Variants in FMN2 observed in about 807,000 individuals in gnomAD.
FMN2 encodes the protein formin 2, also known as formin-2.
FMN2 carries 51 observed loss-of-function variants against 142.3 expected under a neutral mutation model. The ratio of observed to expected loss-of-function variants is 0.36; its 90% confidence interval spans 0.29 to 0.45. The LOEUF is 0.45. Among genes scored for constraint, FMN2 ranks in the 20% least tolerant of loss-of-function variants. The pLI is 1.00. For missense variants in FMN2, 1,936 were observed against 2,122.8 expected (o/e 0.91, Z 1.73); for synonymous variants, 882 against 869.8 (o/e 1.01, Z -0.25).
intron 15 of FMN2, among the ~76,000 whole-genome samples, chr1:240,415,426 C>G (rs886168269): frequency 1.3e-4 from 19 of 151,892 alleles, no homozygotes; most frequent in African/African-American, 3.9e-4. Flanking sequence ...AGGAGAAATA[C>G]CTAATGTAGA....
At chr1:240,343,500 G>A (rs968079243) in intron 13 of FMN2, among the ~76,000 whole-genome samples, 9 of 152,126 alleles carry the variant, frequency 5.9e-5, no homozygotes, top group East Asian at 1.9e-4. Flanking sequence ...TTGATAAGCC[G>A]AACATACAGA....
chr1:240,224,707 G>A (rs550503192), intron 6 of FMN2, among the ~76,000 whole-genome samples: 3 of 152,250 alleles, frequency 2.0e-5, no homozygotes, highest in Admixed American at 6.5e-5. Context: ...CGCACAGAAA[G>A]CCAATCACTG....
intron 1 of FMN2, among the ~76,000 whole-genome samples, chr1:240,097,946 T>C (rs938463370): frequency 1.3e-5 from 2 of 152,226 alleles, no homozygotes; most frequent in South Asian, 2.1e-4. Flanking sequence ...CCAGGATATG[T>C]CCTTAGAAAA....
intron 6 of FMN2, among the ~76,000 whole-genome samples, chr1:240,250,045 AC>A (rs1416334269): frequency 6.6e-6 from 1 of 152,064 alleles, no homozygotes; most frequent in Non-Finnish European, 1.5e-5. Context: ...AAACAGTTTG[AC>A]TTCCTGTCTT....
intron 15 of FMN2, among the ~76,000 whole-genome samples, chr1:240,416,428 A>G (rs1289642474): frequency 1.3e-5 from 2 of 151,624 alleles, no homozygotes; most frequent in Non-Finnish European, 2.9e-5. Flanking sequence ...AAAATTAGAC[A>G]CTGGCTAATT....
chr1:240,326,053 A>G (rs1259900640), intron 8 of FMN2, among the ~76,000 whole-genome samples: 1 of 152,214 alleles, frequency 6.6e-6, no homozygotes, highest in East Asian at 1.9e-4. Context: ...ATAGTTCAGT[A>G]TATGCTGATT....
At chr1:240,237,358 C>A (rs892534590) in intron 6 of FMN2, among the ~76,000 whole-genome samples, 1 of 152,144 alleles carries the variant, frequency 6.6e-6, no homozygotes, top group South Asian at 2.1e-4. Context: ...GCTCTGCATA[C>A]CAGCTGCTGG....
intron 15 of FMN2, among the ~76,000 whole-genome samples, chr1:240,431,430 A>G (rs2103164241): frequency 6.7e-6 from 1 of 148,560 alleles, no homozygotes; most frequent in African/African-American, 2.5e-5. Flanking sequence ...ATATACATAT[A>G]TATACACACA....
At chr1:240,276,016 A>G (rs1669195396) in intron 7 of FMN2, among the ~76,000 whole-genome samples, 1 of 152,184 alleles carries the variant, frequency 6.6e-6, no homozygotes, top group South Asian at 2.1e-4. Flanking sequence ...TCCAGCGTAT[A>G]AGAGGGATCA....
chr1:240,216,121 A>T (rs995673994), intron 6 of FMN2, among the ~76,000 whole-genome samples: 1 of 152,196 alleles, frequency 6.6e-6, no homozygotes, highest in Non-Finnish European at 1.5e-5. Flanking sequence ...AGCTTCCGTA[A>T]GCAGTAAAAG....
chr1:240,438,604 G>A (rs960428001), intron 16 of FMN2, among the ~76,000 whole-genome samples: 1 of 152,192 alleles, frequency 6.6e-6, no homozygotes, highest in Non-Finnish European at 1.5e-5. Context: ...ATGGGATATT[G>A]TCAGTTTACC....
At chr1:240,211,479 CA>C (rs1406249445) in intron 6 of FMN2, among the ~76,000 whole-genome samples, 1 of 152,148 alleles carries the variant, frequency 6.6e-6, no homozygotes, top group East Asian at 1.9e-4. Context: ...TACATATTTC[CA>C]AAATATCCGC....
At chr1:240,452,538 T>C (rs1336791208) in intron 16 of FMN2, among the ~76,000 whole-genome samples, 1 of 152,056 alleles carries the variant, frequency 6.6e-6, no homozygotes, top group Non-Finnish European at 1.5e-5. Context: ...GGTTTATTTT[T>C]TAAAATTAAC....
intron 8 of FMN2, among the ~76,000 whole-genome samples, chr1:240,314,244 G>A (rs1481265197): frequency 6.6e-6 from 1 of 152,074 alleles, no homozygotes; most frequent in Non-Finnish European, 1.5e-5. Context: ...AAAAAAGGGG[G>A]AGTAGATCAT....
At chr1:240,240,801 A>G (rs1404230281) in intron 6 of FMN2, among the ~76,000 whole-genome samples, 3 of 152,234 alleles carry the variant, frequency 2.0e-5, no homozygotes, top group Non-Finnish European at 2.9e-5. Flanking sequence ...GCAGACTTGT[A>G]TGCAACCAGA....
chr1:240,264,602 A>G (rs951998102), intron 7 of FMN2, among the ~76,000 whole-genome samples: 3 of 151,038 alleles, frequency 2.0e-5, no homozygotes, highest in Non-Finnish European at 4.4e-5. Context: ...TCATTGTTCA[A>G]CTCCCACTTA....
chr1:240,333,521 T>C (rs1292513500), intron 11 of FMN2, among the ~76,000 whole-genome samples: 8 of 152,174 alleles, frequency 5.3e-5, no homozygotes, highest in African/African-American at 1.9e-4. Context: ...GCTAAATTAT[T>C]TCTTTTAATA....
chr1:240,187,318 A>AGT (rs958956399), intron 3 of FMN2, among the ~76,000 whole-genome samples: 8 of 151,440 alleles, frequency 5.3e-5, no homozygotes, highest in Non-Finnish European at 1.2e-4. Context: ...AACCAAAAAC[A>AGT]GTGACTGCTG....
intron 2 of FMN2, chr1:240,145,512 T>G: frequency 4.7e-6 from 1 of 214,602 alleles, no homozygotes; most frequent in Non-Finnish European, 8.9e-6. Context: ...ATGAGGCAAT[T>G]TTTCTTTTTC....
Sources: allele counts gnomAD v4.1 joint callset (sites outside exome capture counted in the v4.1 genomes callset), GRCh38; gene constraint gnomAD v4.1.1; transcripts MANE v1.5; gene names NCBI Gene and HGNC (gene_info 2026-07-23, HGNC 2026-07-21).